EIF2AK4: variants seen among roughly 807,000 people sequenced by gnomAD.
The protein encoded by EIF2AK4 is eukaryotic translation initiation factor 2 alpha kinase 4, also known as eIF-2-alpha kinase GCN2.
A neutral mutation model predicts 211.1 loss-of-function variants in EIF2AK4; 139 were observed. That is an observed-to-expected ratio of 0.66 (90% CI 0.57 to 0.76). The LOEUF (loss-of-function observed/expected upper bound fraction) is 0.76. EIF2AK4 is among the 30% of genes least tolerant of loss of function. The pLI is 0.00. For synonymous variants in EIF2AK4, 710 were observed against 751.3 expected, an observed-to-expected ratio of 0.94 and a Z score of 0.90; for missense variants, 1,664 against 2,043.8, an observed-to-expected ratio of 0.81 and a Z score of 3.58.
In EIF2AK4 at chr15:39,988,038, G is replaced by A. The variant is rs771823811; in HGVS notation, c.2459G>A (p.Arg820Gln). 3.7e-6 allele frequency: 6 copies of A among 1,613,962 alleles called. No homozygotes were observed. The highest frequency in any genetic ancestry group is 1.7e-5 in the Admixed American group (1 of 59,998). ...LRDTIDQGLY[R>Q]DTVRLWRLFR... ...GACACCATTGACCAGGGACTGTATC[G>A]AGACACCGTCAGACTCTGGAGGCTT... The change falls in exon 15 of 39, where the codon CGA (arginine) becomes CAA (glutamine). Residue 820 changes from arginine to glutamine, a missense_variant. Coordinates refer to ENST00000263791, the MANE Select transcript of EIF2AK4 (RefSeq NM_001013703.4).
intron 2 of EIF2AK4, among the ~76,000 whole-genome samples, chr15:39,942,281 A>G (rs1330003352): frequency 6.6e-6 from 1 of 152,032 alleles, no homozygotes; most frequent in Non-Finnish European, 1.5e-5. Flanking sequence ...CCCATCCCAG[A>G]CCTTTGGGGA....
intron 30 of EIF2AK4, 64 bp from the exon 31 acceptor site, chr15:40,020,835 C>A: frequency 3.5e-6 from 5 of 1,447,792 alleles, no homozygotes; most frequent in Non-Finnish European, 4.6e-6. Flanking sequence ...CCTCCTGATG[C>A]TGGTTTCACT....
chr15:40,030,237 C>T (rs935902160), intron 34 of EIF2AK4, 122 bp from the exon 35 acceptor site: 11 of 962,592 alleles, frequency 1.1e-5, no homozygotes, highest in African/African-American at 8.2e-5. Context: ...ACAGCCCAGT[C>T]GTGATCTAGC....
intron 34 of EIF2AK4, among the ~76,000 whole-genome samples, chr15:40,029,754 G>A (rs1008794991): frequency 3.3e-5 from 5 of 152,062 alleles, no homozygotes; most frequent in African/African-American, 1.2e-4. Flanking sequence ...AATTTTCCTG[G>A]AGATTTTCCT....
At chr15:40,027,536 A>G (rs1252300862) in intron 33 of EIF2AK4, among the ~76,000 whole-genome samples, 1 of 152,186 alleles carries the variant, frequency 6.6e-6, no homozygotes, top group African/African-American at 2.4e-5. Context: ...AAAAATGATG[A>G]TTCTACTAAA....
intron 7 of EIF2AK4, among the ~76,000 whole-genome samples, chr15:39,964,098 C>T (rs2034510127): frequency 6.6e-6 from 1 of 152,172 alleles, no homozygotes; most frequent in Admixed American, 6.5e-5. Flanking sequence ...TTATTTATGA[C>T]TAACAGATCA....
chr15:40,016,061 C>G (rs2035298978), intron 27 of EIF2AK4, among the ~76,000 whole-genome samples: 1 of 152,140 alleles, frequency 6.6e-6, no homozygotes, highest in Admixed American at 6.5e-5. Context: ...TGATTCAAGC[C>G]AAGGAAGGGA....
Position 40,032,821 on chromosome 15 carries a change from C to T in EIF2AK4, c.4773+20C>T. 6.8e-6 allele frequency: 11 copies of T among 1,606,250 alleles called. No homozygotes were observed. The highest frequency in any genetic ancestry group is 7.7e-6 in the Non-Finnish European group (9 of 1,176,326). ...TTAGAGGTAAGCAATATGAACTCTT[C>T]TGCACTGTGGCCTTTAAGATCCCAA... On this transcript the variant is annotated intron_variant, in intron 37 of 38. Transcript: ENST00000263791.
At position 40,030,438 on chromosome 15, in the gene EIF2AK4, G is replaced by A. The variant is rs753874000; in HGVS notation, c.4641G>A (p.Arg1547=). The part of the protein sequence containing the change: ...LAPEKLSAST[R]RRYETQVQTR... ...CGGAGAAGCTGTCAGCCAGCACTAG[G>A]AGGCGCTATGAAACTCAGGTACACT... The change falls in exon 35 of 39, where the codon AGG becomes AGA. Residue 1547 remains arginine, a synonymous_variant. Coordinates refer to ENST00000263791, the MANE Select transcript of EIF2AK4 (RefSeq NM_001013703.4). The A allele has an allele frequency of 1.1e-4, 181 of 1,613,900 alleles. No homozygotes were observed. The highest frequency in any genetic ancestry group is 1.5e-4 in the Non-Finnish European group (178 of 1,179,976).
chr15:39,961,416 T>C (rs987029892), intron 6 of EIF2AK4, among the ~76,000 whole-genome samples: 4 of 152,236 alleles, frequency 2.6e-5, no homozygotes, highest in Admixed American at 2.6e-4. Context: ...CTGTCCAATA[T>C]AGTAGCCACT....
rs1007484557 is a variant in EIF2AK4 at position 40,011,776 on chromosome 15, T to A, written c.3759+430T>A. Among the ~76,000 whole-genome samples, 5 of 152,214 alleles carry A rather than the reference T, an allele frequency of 3.3e-5. No homozygotes were observed. The South Asian group carries it at 1.0e-3, about 31-fold the overall frequency. ...TTCCCCTACCTCCATGTCTTCTAAC[T>A]CCTCAGAGTTGAATTAAAGCTCTAG... is the stretch of plus-strand genomic sequence containing the variant. On this transcript the variant is annotated intron_variant, in intron 27 of 38. Transcript: ENST00000263791.
intron 34 of EIF2AK4, among the ~76,000 whole-genome samples, chr15:40,029,792 G>C (rs2035514659): frequency 6.6e-6 from 1 of 152,188 alleles, no homozygotes; most frequent in South Asian, 2.1e-4. Context: ...GAAGTATTTT[G>C]AAATCCCTTG....
intron 13 of EIF2AK4, among the ~76,000 whole-genome samples, chr15:39,985,259 T>C (rs1054886024): frequency 9.9e-5 from 15 of 152,282 alleles, no homozygotes; most frequent in Admixed American, 9.1e-4. Context: ...TTTGCCAGTA[T>C]TTTATTGAGG....
At chr15:39,958,305 T>C (rs11633416) in intron 6 of EIF2AK4, among the ~76,000 whole-genome samples, 52,496 of 152,096 alleles carry the variant, frequency 0.35, 9,136 homozygotes, top group Middle Eastern at 0.37. Context: ...ACTTGCTGTC[T>C]TTGCAGATTA....
chr15:39,965,416 G>A (rs1253544052), intron 7 of EIF2AK4, among the ~76,000 whole-genome samples: 2 of 152,240 alleles, frequency 1.3e-5, no homozygotes, highest in East Asian at 1.9e-4. Flanking sequence ...GAGCCACCAC[G>A]CCTGGCCAAA....
At chr15:39,995,135 C>T (rs532875881) in intron 18 of EIF2AK4, among the ~76,000 whole-genome samples, 29 of 152,272 alleles carry the variant, frequency 1.9e-4, no homozygotes, top group Non-Finnish European at 4.1e-4. Context: ...AGCCACTGCA[C>T]CTGGCCGTAT....
intron 3 of EIF2AK4, chr15:39,946,846 C>T: frequency 1.7e-6 from 1 of 576,224 alleles, no homozygotes; most frequent in Non-Finnish European, 3.1e-6. Flanking sequence ...CCTGAAGGTT[C>T]AGATGATCAT....
In EIF2AK4 at chr15:39,978,108, C is replaced by A; in HGVS notation, c.2280C>A (p.Ile760=). 1 of 1,593,014 alleles carries A rather than the reference C, an allele frequency of 6.3e-7. No homozygotes were observed. Among genetic ancestry groups the A allele is most frequent in the Non-Finnish European group, 8.6e-7 (1 of 1,166,156 alleles). Residue 760 remains isoleucine (I), a synonymous_variant, in exon 13 of 39, where the codon ATC becomes ATA. Transcript: ENST00000263791. The part of the protein sequence containing the change: ...LPASDSESDI[I]FDNEDENSKS... ...CTTCAGATTCTGAAAGTGATATTAT[C>A]TTTGACAATGAAGATGAGAACAGTA...
chr15:40,009,634 T>C lies in EIF2AK4; in HGVS notation c.3597T>C (p.Tyr1199=), dbSNP rs1249864809. 1 of 1,596,480 alleles carries C rather than the reference T, an allele frequency of 6.3e-7. No individual in the cohort carries two copies. The highest frequency in any genetic ancestry group is 8.5e-7 in the Non-Finnish European group (1 of 1,173,812). The change falls in exon 26 of 39, where the codon TAT becomes TAC. Residue 1199 remains tyrosine, a synonymous_variant. Transcript: ENST00000263791. ...CCCAGGAAAGAAATTACAGTATTTA[T>C]TTGAACCATACCATGTTATTGAAAG... The part of the protein sequence containing the change: ...PALQERNYSI[Y]LNHTMLLKAI...
Sources: gnomAD v4.1 joint callset for allele counts (sites outside exome capture counted in the v4.1 genomes callset) on GRCh38, gnomAD v4.1.1 for gene constraint, MANE v1.5 for transcripts, NCBI Gene and HGNC (gene_info 2026-07-23, HGNC 2026-07-21) for gene names.